METTL15: variants seen among roughly 807,000 people sequenced by gnomAD.
The protein encoded by METTL15 is 12S rRNA N(4)-cytidine methyltransferase METTL15.
In METTL15, 34 loss-of-function variants were observed where a neutral mutation model predicts 38.3. The observed-to-expected ratio is 0.89, with a 90% CI of 0.68 to 1.18. The LOEUF is 1.18. Among genes scored for constraint, METTL15 ranks in the 50% most tolerant of loss-of-function variants. The pLI, the probability that METTL15 is intolerant of heterozygous loss-of-function variation, is 0.00. For synonymous variants in METTL15, 162 were observed against 170.9 expected, an observed-to-expected ratio of 0.95 and a Z score of 0.41; for missense variants, 438 against 498.4, an observed-to-expected ratio of 0.88 and a Z score of 1.15.
At chr11:28,498,051 C>T (rs1218800780) in intron 6 of METTL15, among the ~76,000 whole-genome samples, 1 of 139,866 alleles carries the variant, frequency 7.1e-6, no homozygotes. Flanking sequence ...GAGACTGTTT[C>T]AAAAAAAAAA....
intron 3 of METTL15, among the ~76,000 whole-genome samples, chr11:28,148,617 G>C (rs548429919): frequency 6.6e-6 from 1 of 151,898 alleles, no homozygotes; most frequent in Non-Finnish European, 1.5e-5. Context: ...CTTTACAAGA[G>C]AACTTGTCTA....
chr11:28,347,958 G>A (rs768812572), intron 3 of METTL15, among the ~76,000 whole-genome samples: 7 of 152,172 alleles, frequency 4.6e-5, no homozygotes, highest in Non-Finnish European at 8.8e-5. Flanking sequence ...ACTTGAGTTT[G>A]CCAATGGTTC....
At chr11:28,492,073 A>T (rs573851173) in intron 6 of METTL15, among the ~76,000 whole-genome samples, 15 of 152,200 alleles carry the variant, frequency 9.9e-5, no homozygotes, top group Non-Finnish European at 1.9e-4. Flanking sequence ...TGGAATGATG[A>T]TGGCAACAAA....
intron 3 of METTL15, among the ~76,000 whole-genome samples, chr11:28,186,552 A>G (rs1389564445): frequency 6.6e-6 from 1 of 151,186 alleles, no homozygotes; most frequent in Non-Finnish European, 1.5e-5. Context: ...TGACTTAATT[A>G]TAGATAACTA....
At chr11:28,366,192 TA>T (rs762913002) in intron 5 of METTL15, among the ~76,000 whole-genome samples, 325 of 146,898 alleles carry the variant, frequency 2.2e-3, no homozygotes, top group African/African-American at 3.5e-3. Context: ...GGTCCTTTTG[TA>T]AAAAAAAAAA....
chr11:28,252,459 C>A (rs576098961), intron 4 of METTL15, among the ~76,000 whole-genome samples: 16 of 152,112 alleles, frequency 1.1e-4, no homozygotes, highest in Non-Finnish European at 1.9e-4. Context: ...AAAAGAGATA[C>A]AATGAAACAT....
At chr11:28,475,184 G>A (rs867884477) in intron 6 of METTL15, among the ~76,000 whole-genome samples, 22 of 152,182 alleles carry the variant, frequency 1.4e-4, no homozygotes, top group South Asian at 2.1e-4. Flanking sequence ...GAAGGCTAGA[G>A]GCCCTATTAG....
At chr11:28,200,879 C>G (rs1322723967) in intron 3 of METTL15, among the ~76,000 whole-genome samples, 1 of 152,062 alleles carries the variant, frequency 6.6e-6, no homozygotes, top group East Asian at 1.9e-4. Context: ...TCTTCTCTTC[C>G]TGCTTGAATC....
chr11:28,476,445 A>T (rs924073229), intron 6 of METTL15, among the ~76,000 whole-genome samples: 1 of 152,118 alleles, frequency 6.6e-6, no homozygotes, highest in African/African-American at 2.4e-5. Flanking sequence ...ATTATTGATG[A>T]GTTTCCTTTC....
intron 3 of METTL15, among the ~76,000 whole-genome samples, chr11:28,122,597 T>G: frequency 6.6e-6 from 1 of 151,606 alleles, no homozygotes; most frequent in East Asian, 1.9e-4. Context: ...CATTTATGTA[T>G]ACATATAAGT....
chr11:28,505,384 G>C (rs867495795), intron 6 of METTL15, among the ~76,000 whole-genome samples: 2 of 152,284 alleles, frequency 1.3e-5, no homozygotes, highest in African/African-American at 4.8e-5. Flanking sequence ...TTACTGACAC[G>C]GATGTGTAAA....
chr11:28,528,108 T>C (rs1851824249), downstream of METTL15, among the ~76,000 whole-genome samples: 1 of 152,212 alleles, frequency 6.6e-6, no homozygotes, highest in Non-Finnish European at 1.5e-5. Context: ...TAATAACTTT[T>C]ATATCAACTA....
At chr11:28,450,942 G>T (rs191520096) in intron 6 of METTL15, among the ~76,000 whole-genome samples, 1 of 152,178 alleles carries the variant, frequency 6.6e-6, no homozygotes, top group African/African-American at 2.4e-5. Context: ...CATCACCATT[G>T]TACAGATTAA....
At chr11:28,209,094 A>G (rs995096628) in intron 3 of METTL15, among the ~76,000 whole-genome samples, 9 of 152,036 alleles carry the variant, frequency 5.9e-5, no homozygotes, top group African/African-American at 2.2e-4. Context: ...TAATCATGAT[A>G]CATTAAAAAT....
intron 6 of METTL15, among the ~76,000 whole-genome samples, chr11:28,458,618 A>G (rs141307040): frequency 6.6e-6 from 1 of 152,282 alleles, no homozygotes; most frequent in Non-Finnish European, 1.5e-5. Flanking sequence ...CCAGGGCCTT[A>G]CTGCAGAAAC....
At chr11:28,397,217 C>T (rs1311950579) in intron 5 of METTL15, among the ~76,000 whole-genome samples, 1 of 151,996 alleles carries the variant, frequency 6.6e-6, no homozygotes, top group African/African-American at 2.4e-5. Context: ...AAAGCAATGG[C>T]AACAAAAGCC....
intron 4 of METTL15, among the ~76,000 whole-genome samples, chr11:28,265,971 C>T (rs1160100961): frequency 6.6e-6 from 1 of 152,180 alleles, no homozygotes; most frequent in Non-Finnish European, 1.5e-5. Context: ...CCCACCAGCC[C>T]ACAACAGGCC....
At chr11:28,527,482 A>G (rs1851820088), downstream of METTL15, among the ~76,000 whole-genome samples, 1 of 152,236 alleles carries the variant, frequency 6.6e-6, no homozygotes, top group Admixed American at 6.5e-5. Context: ...TGCCAGGCAC[A>G]GTATTAGATG....
At chr11:28,205,634 G>A (rs911598567) in intron 3 of METTL15, among the ~76,000 whole-genome samples, 1 of 151,954 alleles carries the variant, frequency 6.6e-6, no homozygotes, top group African/African-American at 2.4e-5. Flanking sequence ...TAATGGGATT[G>A]CTGGGTCAAA....
Sources: allele counts gnomAD v4.1 joint callset (sites outside exome capture counted in the v4.1 genomes callset), GRCh38; gene constraint gnomAD v4.1.1; transcripts MANE v1.5; gene names NCBI Gene and HGNC (gene_info 2026-07-23, HGNC 2026-07-21).